The following LARP4 variants were observed in gnomAD, a reference collection of about 807,000 sequenced individuals.
LARP4 encodes la-related protein 4.
LARP4 carries 29 observed loss-of-function variants against 92.9 expected under a neutral mutation model. That is an observed-to-expected ratio of 0.31 (90% confidence interval 0.23 to 0.43). LARP4 has a LOEUF of 0.43. LARP4 is among the 20% of genes least tolerant of loss of function. The probability of loss-of-function intolerance (pLI) is 1.00; values close to 1 mark genes in which losing one functional copy is unlikely to be tolerated. For synonymous variants in LARP4, 279 were observed against 284.1 expected, an observed-to-expected ratio of 0.98 and a Z score of 0.18; for missense variants, 732 against 860.0, an observed-to-expected ratio of 0.85 and a Z score of 1.86.
intron 12 of LARP4, among the ~76,000 whole-genome samples, chr12:50,465,499 G>A (rs76946313): frequency 0.11 from 16,491 of 152,144 alleles, 1,767 homozygotes; most frequent in East Asian, 0.45. Flanking sequence ...TCATGGTAGA[G>A]GAGCTCTTTT....
At chr12:50,426,113 GAT>G (rs1248095903) in intron 1 of LARP4, among the ~76,000 whole-genome samples, 2 of 152,072 alleles carry the variant, frequency 1.3e-5, no homozygotes, top group Non-Finnish European at 2.9e-5. Context: ...TGAATGTCAG[GAT>G]CAAATGTCAG....
At chr12:50,463,251 A>C (rs767406212) in intron 12 of LARP4, among the ~76,000 whole-genome samples, 114 of 150,924 alleles carry the variant, frequency 7.6e-4, no homozygotes, top group Middle Eastern at 3.4e-3. Flanking sequence ...GCAAGTGCAA[A>C]ACCAAGCAGA....
At chr12:50,410,358 G>A (rs1372917807) in intron 1 of LARP4, among the ~76,000 whole-genome samples, 1 of 150,050 alleles carries the variant, frequency 6.7e-6, no homozygotes, top group East Asian at 2.0e-4. Flanking sequence ...CAGGTGTGAG[G>A]AGCCACAACA....
At chr12:50,467,224 A>G (rs1956259789) in intron 13 of LARP4, 104 bp downstream of exon 13, 6 of 835,672 alleles carry the variant, frequency 7.2e-6, no homozygotes, top group South Asian at 5.7e-5. Context: ...CATTTCTATC[A>G]TAGTTTTTAT....
intron 10 of LARP4, 93 bp downstream of exon 10, chr12:50,454,510 A>G (rs575084629): frequency 1.1e-6 from 1 of 939,016 alleles, no homozygotes. Context: ...GCTCAGTAAT[A>G]AGGTTTGGTG....
At position 50,453,472 on chromosome 12, in the gene LARP4, G is replaced by A; in HGVS notation, c.817G>A (p.Ala273Thr). ...QGKPIMARIK[A>T]INTFFAKNGY... ...GTTCCTCTTCTAGGCAAGGATAAAA[G>A]CCATCAATACATTTTTTGCTAAGAA... Residue 273 changes from alanine (A) to threonine (T), a missense_variant, in exon 9 of 16, where the codon GCC (alanine) becomes ACC (threonine). Coordinates refer to ENST00000398473, the MANE Select transcript of LARP4 (RefSeq NM_052879.5). 6.2e-7 allele frequency: 1 copy of A among 1,603,714 alleles called. No homozygotes were observed.
chr12:50,441,675 CA>C (rs1289375096), intron 8 of LARP4, 32 bp downstream of exon 8: 1 of 1,505,222 alleles, frequency 6.6e-7, no homozygotes, highest in Non-Finnish European at 9.1e-7. Context: ...GAAACCAGAA[CA>C]GGTTTTGGTT....
intron 6 of LARP4, 70 bp downstream of exon 6, chr12:50,437,908 G>A (rs892531118): frequency 2.7e-5 from 28 of 1,024,996 alleles, no homozygotes; most frequent in Middle Eastern, 2.3e-4. Flanking sequence ...TCTGCCTTTC[G>A]TGGCAAAGAA....
Position 50,462,574 on chromosome 12 carries a change from A to C in LARP4, c.1335-8A>C, listed in dbSNP as rs757094804. ...CCCACCCCACCCCCACCTTTTTCTT[A>C]TTAAAAGGAGAACTCTCTTCAGAGG... is the stretch of plus-strand genomic sequence containing the variant. On this transcript the variant is annotated splice_polypyrimidine_tract_variant and splice_region_variant and intron_variant, in intron 11 of 15. Coordinates refer to ENST00000398473, the MANE Select transcript of LARP4 (RefSeq NM_052879.5). 1.6e-6 allele frequency: 1 copy of C among 634,210 alleles called. No homozygotes were observed. 39.3% of individuals were successfully genotyped at this position (634,210 alleles called of 1,614,324 possible). A position where few individuals can be genotyped will look rare whatever the true frequency, so the allele number is the denominator to read the frequency against.
intron 8 of LARP4, among the ~76,000 whole-genome samples, chr12:50,451,836 C>G (rs550723592): frequency 6.6e-6 from 1 of 151,092 alleles, no homozygotes; most frequent in South Asian, 2.1e-4. Flanking sequence ...GACTCTGTGT[C>G]TTAAAAAAAA....
chr12:50,451,472 C>T (rs1185328025), intron 8 of LARP4, among the ~76,000 whole-genome samples: 6 of 151,972 alleles, frequency 3.9e-5, no homozygotes, highest in Admixed American at 6.6e-5. Flanking sequence ...CCAAGGCAGG[C>T]GGATCACCTG....
At chr12:50,466,444 T>G (rs1002599721) in intron 12 of LARP4, among the ~76,000 whole-genome samples, 2 of 151,946 alleles carry the variant, frequency 1.3e-5, no homozygotes, top group African/African-American at 4.8e-5. Context: ...TGAAACCTTG[T>G]CACTACTAAA....
intron 6 of LARP4, 115 bp from the exon 7 acceptor site, chr12:50,440,324 A>G (rs1951018030): frequency 2.8e-6 from 2 of 702,244 alleles, no homozygotes; most frequent in African/African-American, 1.8e-5. Context: ...AGTTAAGTGA[A>G]GTGATAGGAC....
At chr12:50,439,601 AGCTAT>A in intron 6 of LARP4, among the ~76,000 whole-genome samples, 1 of 152,160 alleles carries the variant, frequency 6.6e-6, no homozygotes, top group South Asian at 2.1e-4. Flanking sequence ...GATGGTGTCT[AGCTAT>A]GCTGTACAGG....
At chr12:50,430,942 G>A (rs1018125428) in intron 4 of LARP4, among the ~76,000 whole-genome samples, 4 of 152,264 alleles carry the variant, frequency 2.6e-5, no homozygotes, top group Middle Eastern at 3.4e-3. Context: ...GATTACAGGC[G>A]TATGGCACCA....
At chr12:50,474,316 G>A (rs1957303069) in intron 15 of LARP4, 149 bp downstream of exon 15, 1 of 613,040 alleles carries the variant, frequency 1.6e-6, no homozygotes. Context: ...GAGTGTTAGG[G>A]TCACTGCAAA....
intron 14 of LARP4, among the ~76,000 whole-genome samples, 159 bp downstream of exon 14, chr12:50,473,695 G>T (rs1420405875): frequency 6.6e-6 from 1 of 150,698 alleles, no homozygotes; most frequent in Non-Finnish European, 1.5e-5. Context: ...GTGAAACCCC[G>T]TCTCTACTAA....
At chr12:50,457,104 AT>A (rs1398680326) in intron 10 of LARP4, among the ~76,000 whole-genome samples, 1 of 150,486 alleles carries the variant, frequency 6.6e-6, no homozygotes, top group Non-Finnish European at 1.5e-5. Flanking sequence ...GGGTTTCATC[AT>A]GTTGGCCAGG....
At chr12:50,443,009 TCTC>T (rs2137721510) in intron 8 of LARP4, among the ~76,000 whole-genome samples, 1 of 152,332 alleles carries the variant, frequency 6.6e-6, no homozygotes, top group Non-Finnish European at 1.5e-5. Flanking sequence ...ATAAAGATAT[TCTC>T]CTGAGTCTTC....
Sources: gnomAD v4.1 joint callset for allele counts (sites outside exome capture counted in the v4.1 genomes callset) on GRCh38, gnomAD v4.1.1 for gene constraint, MANE v1.5 for transcripts, NCBI Gene and HGNC (gene_info 2026-07-23, HGNC 2026-07-21) for gene names.